GABRB3: variants seen among roughly 807,000 people sequenced by gnomAD.
The protein encoded by GABRB3 is gamma-aminobutyric acid receptor subunit beta-3.
A neutral mutation model predicts 52.1 loss-of-function variants in GABRB3; 14 were observed. That is an observed-to-expected ratio of 0.27 (90% CI 0.18 to 0.42). The LOEUF (loss-of-function observed/expected upper bound fraction) is 0.42, where lower values mean the gene tolerates loss of function less well. Among genes scored for constraint, GABRB3 ranks in the 10% least tolerant of loss-of-function variants. The probability of loss-of-function intolerance (pLI) is 1.00; values close to 1 mark genes in which losing one functional copy is unlikely to be tolerated. For missense variants in GABRB3, 307 were observed against 609.1 expected (o/e 0.50, Z 5.22); for synonymous variants, 260 against 232.3 (o/e 1.12, Z -1.08).
chr15:26,688,286 C>G (rs1888470173), intron 3 of GABRB3, among the ~76,000 whole-genome samples: 1 of 152,152 alleles, frequency 6.6e-6, no homozygotes, highest in Admixed American at 6.5e-5. Flanking sequence ...TGAGCAAATG[C>G]CAGCCGTGTG....
At chr15:26,560,270 C>A (rs1444495497) in intron 8 of GABRB3, among the ~76,000 whole-genome samples, 2 of 152,302 alleles carry the variant, frequency 1.3e-5, no homozygotes, top group East Asian at 1.9e-4. Flanking sequence ...AAGTCCTACA[C>A]AAAGCTGATG....
At chr15:26,732,507 T>C (rs1889956061) in intron 3 of GABRB3, among the ~76,000 whole-genome samples, 1 of 152,144 alleles carries the variant, frequency 6.6e-6, no homozygotes, top group Admixed American at 6.6e-5. Context: ...ATGGGAAAAT[T>C]GTTTGAGACC....
intron 3 of GABRB3, among the ~76,000 whole-genome samples, chr15:26,735,686 T>C (rs1341318669): frequency 1.3e-5 from 2 of 152,206 alleles, no homozygotes; most frequent in Non-Finnish European, 2.9e-5. Flanking sequence ...CAGTGGCTCA[T>C]GTCTGTAACC....
intron 3 of GABRB3, among the ~76,000 whole-genome samples, chr15:26,657,509 G>A (rs1887411306): frequency 6.6e-6 from 1 of 152,156 alleles, no homozygotes; most frequent in Non-Finnish European, 1.5e-5. Flanking sequence ...CTCAAGTGTA[G>A]GTAAAACTGT....
chr15:26,552,484 C>T (rs918749208), intron 8 of GABRB3, among the ~76,000 whole-genome samples: 9 of 152,312 alleles, frequency 5.9e-5, no homozygotes, highest in Admixed American at 4.6e-4. Context: ...CAGTTAAATT[C>T]AGGTGTGGCT....
chr15:26,690,699 C>G (rs1390533618), intron 3 of GABRB3, among the ~76,000 whole-genome samples: 1 of 151,754 alleles, frequency 6.6e-6, no homozygotes, highest in Non-Finnish European at 1.5e-5. Context: ...TTGTGCTGTA[C>G]CCAGCACAGT....
intron 3 of GABRB3, among the ~76,000 whole-genome samples, chr15:26,670,267 C>T (rs1468299106): frequency 6.6e-6 from 1 of 152,044 alleles, no homozygotes; most frequent in African/African-American, 2.4e-5. Flanking sequence ...CATGGAGGGG[C>T]GGGAGAGGTA....
chr15:26,664,704 GTTTTTTTTTTT>G (rs1162139952), intron 3 of GABRB3, among the ~76,000 whole-genome samples: 1 of 95,224 alleles, frequency 1.1e-5, no homozygotes. Flanking sequence ...TCTTTTCTTT[GTTTTTTTTTTT>G]TTTTTTTTGG....
intron 3 of GABRB3, among the ~76,000 whole-genome samples, chr15:26,657,461 C>T (rs553928819): frequency 2.0e-5 from 3 of 152,250 alleles, no homozygotes; most frequent in South Asian, 2.1e-4. Context: ...TCTAAATCTA[C>T]GGATGGATGT....
At chr15:26,626,204 G>A (rs576065023) in intron 3 of GABRB3, among the ~76,000 whole-genome samples, 8 of 152,120 alleles carry the variant, frequency 5.3e-5, no homozygotes, top group Non-Finnish European at 1.2e-4. Context: ...GGGGCACCAG[G>A]AATAGCACCC....
intron 8 of GABRB3, among the ~76,000 whole-genome samples, chr15:26,551,347 T>G (rs1329578846): frequency 6.6e-6 from 1 of 152,194 alleles, no homozygotes; most frequent in African/African-American, 2.4e-5. Flanking sequence ...CGCCCTGCAA[T>G]GGTTTCTGTT....
At chr15:26,668,114 C>T (rs1887771999) in intron 3 of GABRB3, among the ~76,000 whole-genome samples, 1 of 152,164 alleles carries the variant, frequency 6.6e-6, no homozygotes, top group Non-Finnish European at 1.5e-5. Context: ...CCTTATAATG[C>T]AGGCCATTCT....
intron 3 of GABRB3, among the ~76,000 whole-genome samples, chr15:26,715,905 T>C (rs540832487): frequency 3.3e-5 from 5 of 152,330 alleles, no homozygotes; most frequent in Admixed American, 2.6e-4. Context: ...TAGTTTGCTC[T>C]AAGATTTCCA....
intron 3 of GABRB3, among the ~76,000 whole-genome samples, chr15:26,731,647 A>G (rs537058785): frequency 1.3e-5 from 2 of 152,314 alleles, no homozygotes; most frequent in East Asian, 1.9e-4. Context: ...CCATATTCAT[A>G]TTCTCACACT....
intron 3 of GABRB3, among the ~76,000 whole-genome samples, chr15:26,768,646 C>T (rs980921460): frequency 2.0e-5 from 3 of 152,086 alleles, no homozygotes; most frequent in African/African-American, 7.2e-5. Context: ...TGGACATACG[C>T]AATCTCACTT....
intron 3 of GABRB3, among the ~76,000 whole-genome samples, chr15:26,681,269 T>A (rs1888231013): frequency 6.6e-6 from 1 of 152,172 alleles, no homozygotes; most frequent in Non-Finnish European, 1.5e-5. Context: ...TTGCCTTCCA[T>A]CTCCTTCCTC....
At chr15:26,558,331 G>A (rs900614629) in intron 8 of GABRB3, among the ~76,000 whole-genome samples, 1 of 152,158 alleles carries the variant, frequency 6.6e-6, no homozygotes, top group African/African-American at 2.4e-5. Flanking sequence ...CACTTAATGT[G>A]CTTCCATGGG....
chr15:26,551,890 C>T (rs1054214454), intron 8 of GABRB3, among the ~76,000 whole-genome samples: 5 of 152,022 alleles, frequency 3.3e-5, no homozygotes, highest in Admixed American at 1.3e-4. Flanking sequence ...CATGGAGACA[C>T]GTGATGTGGG....
At chr15:26,572,022 G>A (rs528945411) in intron 6 of GABRB3, among the ~76,000 whole-genome samples, 22 of 148,716 alleles carry the variant, frequency 1.5e-4, no homozygotes, top group African/African-American at 5.5e-4. Flanking sequence ...CTCCAGCCTG[G>A]CGACAGAGCG....
Sources: allele counts gnomAD v4.1 joint callset (sites outside exome capture counted in the v4.1 genomes callset), GRCh38; gene constraint gnomAD v4.1.1; transcripts MANE v1.5; gene names NCBI Gene and HGNC (gene_info 2026-07-23, HGNC 2026-07-21).